STX19: variants seen among roughly 807,000 people sequenced by gnomAD.
The protein encoded by STX19 is syntaxin 19.
STX19 carries 26 observed loss-of-function variants against 24.3 expected under a neutral mutation model. The ratio of observed to expected loss-of-function variants is 1.07; its 90% CI spans 0.78 to 1.48. STX19 has a LOEUF of 1.48. STX19 is among the 40% of genes most tolerant of loss of function. STX19 has a pLI of 0.00. For missense variants in STX19, 367 were observed against 331.9 expected (o/e 1.11, Z -0.82); for synonymous variants, 116 against 106.9 (o/e 1.09, Z -0.52).
intron 1 of STX19, among the ~76,000 whole-genome samples, chr3:94,022,870 C>A (rs944899120): frequency 6.6e-6 from 1 of 151,936 alleles, no homozygotes. Context: ...AAGTTTTTCA[C>A]CTGCTTAATT....
intron 1 of STX19, among the ~76,000 whole-genome samples, chr3:94,017,065 A>G (rs554543695): frequency 6.6e-6 from 1 of 152,336 alleles, no homozygotes; most frequent in African/African-American, 2.4e-5. Flanking sequence ...TGCAAGGGTA[A>G]GGGGAACTCA....
intron 1 of STX19, among the ~76,000 whole-genome samples, chr3:94,016,831 G>A (rs1381189957): frequency 6.6e-6 from 1 of 151,980 alleles, no homozygotes; most frequent in Non-Finnish European, 1.5e-5. Context: ...ATTTTTGGTA[G>A]AGACAGGGTT....
intron 1 of STX19, among the ~76,000 whole-genome samples, chr3:94,027,348 T>G (rs985416369): frequency 6.6e-6 from 1 of 152,046 alleles, no homozygotes; most frequent in Non-Finnish European, 1.5e-5. Context: ...GTATCTGACT[T>G]TTTTTGCAAT....
rs1419369089 is a variant in STX19 at position 94,014,927 on chromosome 3, C to G, written c.343G>C (p.Glu115Gln). 1.2e-6 allele frequency: 2 copies of G among 1,613,546 alleles called. No individual in the cohort carries two copies. The highest frequency in any genetic ancestry group is 1.7e-6 in the Non-Finnish European group (2 of 1,179,816). ...TTTTCAACCTCTGACTTTTTAACTT[C>G]TTTAACTAAATCATTCAAACTTCTG... Reference protein sequence around the residue: ...INRSLNDLVKEVKKSEVENGP... With the variant: ...INRSLNDLVKQVKKSEVENGP... Residue 115 changes from glutamate (E) to glutamine (Q), a missense_variant, in exon 2 of 2, where the codon GAA (glutamate) becomes CAA (glutamine). By Grantham distance (29) the Glu-to-Gln change is conservative (BLOSUM62 2). Coordinates refer to ENST00000315099, the MANE Select transcript of STX19 (RefSeq NM_001001850.3).
chr3:94,014,882 T>A lies in STX19; in HGVS notation c.388A>T (p.Thr130Ser), dbSNP rs2076296755. 1 of 1,613,980 alleles carries A rather than the reference T, an allele frequency of 6.2e-7. No homozygotes were observed. Among genetic ancestry groups the A allele is most frequent in the Admixed American group, 1.7e-5 (1 of 60,012 alleles). The change falls in exon 2 of 2, where the codon ACA (threonine) becomes TCA (serine). Residue 130 changes from threonine to serine, a missense_variant. Physicochemically the swap from Thr to Ser is moderately conservative, Grantham distance 58. Transcript: ENST00000315099. ...EVENGPSSVV[T>S]RILKSQHAAM... is the part of the protein sequence containing the mutation. ...GCATGCTGAGATTTAAGTATCCTTG[T>A]GACCACTGAAGATGGACCATTTTCA...
intron 1 of STX19, among the ~76,000 whole-genome samples, chr3:94,026,950 A>G (rs1043570504): frequency 2.0e-5 from 3 of 152,280 alleles, no homozygotes; most frequent in Middle Eastern, 3.4e-3. Context: ...TGCGACTCAA[A>G]TAAAAGGTTC....
At chr3:94,015,915 G>T (rs1214076156) in intron 1 of STX19, among the ~76,000 whole-genome samples, 1 of 151,962 alleles carries the variant, frequency 6.6e-6, no homozygotes, top group Non-Finnish European at 1.5e-5. Flanking sequence ...CTCATTCTTA[G>T]CATTCTTTTG....
intron 1 of STX19, among the ~76,000 whole-genome samples, chr3:94,019,963 A>T (rs184573416): frequency 6.6e-6 from 1 of 152,136 alleles, no homozygotes; most frequent in Admixed American, 6.5e-5. Flanking sequence ...TTGTCACCCT[A>T]TTTTGAACTA....
At chr3:94,021,768 T>C (rs1046375522) in intron 1 of STX19, among the ~76,000 whole-genome samples, 1 of 152,224 alleles carries the variant, frequency 6.6e-6, no homozygotes, top group Non-Finnish European at 1.5e-5. Context: ...CCCTAATCTA[T>C]AAGCTCTTTC....
At chr3:94,025,072 G>A (rs1472324712) in intron 1 of STX19, among the ~76,000 whole-genome samples, 2 of 152,054 alleles carry the variant, frequency 1.3e-5, no homozygotes, top group Non-Finnish European at 2.9e-5. Context: ...CACTGATTTT[G>A]GAAAGCAGGA....
chr3:94,022,243 A>T (rs1410990456), intron 1 of STX19, among the ~76,000 whole-genome samples: 2 of 152,066 alleles, frequency 1.3e-5, no homozygotes, highest in Non-Finnish European at 2.9e-5. Context: ...TCCTTGCCTC[A>T]GCCTCCTGAG....
At chr3:94,023,897 G>A (rs372170904) in intron 1 of STX19, among the ~76,000 whole-genome samples, 2 of 152,050 alleles carry the variant, frequency 1.3e-5, no homozygotes, top group African/African-American at 4.8e-5. Context: ...GCTTTATTAG[G>A]ATCTTTAATA....
intron 1 of STX19, among the ~76,000 whole-genome samples, chr3:94,021,954 A>G (rs1039858807): frequency 3.3e-5 from 5 of 152,026 alleles, no homozygotes; most frequent in South Asian, 2.1e-4. Flanking sequence ...AAGGCTTCTA[A>G]AGATATATAT....
intron 1 of STX19, among the ~76,000 whole-genome samples, chr3:94,026,527 A>G (rs900994760): frequency 2.0e-5 from 3 of 152,222 alleles, no homozygotes; most frequent in African/African-American, 7.2e-5. Flanking sequence ...AACTATATGT[A>G]TAACTATCCA....
At chr3:94,026,404 T>A (rs2076559009) in intron 1 of STX19, among the ~76,000 whole-genome samples, 1 of 152,204 alleles carries the variant, frequency 6.6e-6, no homozygotes, top group Non-Finnish European at 1.5e-5. Flanking sequence ...ATTAACATAA[T>A]TGAGAATGTT....
intron 1 of STX19, among the ~76,000 whole-genome samples, chr3:94,025,247 A>G (rs1386240585): frequency 6.6e-6 from 1 of 151,346 alleles, no homozygotes; most frequent in African/African-American, 2.4e-5. Flanking sequence ...ATGAATTTAC[A>G]AGCAAAAAAC....
chr3:94,025,651 G>A (rs2076541627), intron 1 of STX19, among the ~76,000 whole-genome samples: 1 of 152,100 alleles, frequency 6.6e-6, no homozygotes, highest in African/African-American at 2.4e-5. Context: ...ATCAATTATG[G>A]ATACATTGAG....
At position 94,015,108 on chromosome 3, in the gene STX19, G is replaced by A. The variant is rs1316725228; in HGVS notation, c.162C>T (p.Ile54=). 4 of 1,613,646 alleles carry A rather than the reference G, an allele frequency of 2.5e-6. No homozygotes were observed. The highest frequency in any genetic ancestry group is 3.4e-6 in the Non-Finnish European group (4 of 1,179,904). Reference sequence around the variant, plus strand: ...TGTTAATACTTTCCTGTAGTTTTTGGATTTCATGTAGGTGTCTCTCAGCTA... The same window carrying A: ...TGTTAATACTTTCCTGTAGTTTTTGAATTTCATGTAGGTGTCTCTCAGCTA... ...EPVAERHLHE[I]QKLQESINNL... Residue 54 remains isoleucine (I), a synonymous_variant, in exon 2 of 2, where the codon ATC becomes ATT. Coordinates refer to ENST00000315099, the MANE Select transcript of STX19 (RefSeq NM_001001850.3).
chr3:94,027,395 T>C (rs1455858811), intron 1 of STX19, among the ~76,000 whole-genome samples: 3 of 152,022 alleles, frequency 2.0e-5, no homozygotes, highest in Non-Finnish European at 4.4e-5. Context: ...TTTTATTTAG[T>C]CTAAATAACT....
Sources: gnomAD v4.1 joint callset for allele counts (sites outside exome capture counted in the v4.1 genomes callset) on GRCh38, gnomAD v4.1.1 for gene constraint, MANE v1.5 for transcripts, NCBI Gene and HGNC (gene_info 2026-07-23, HGNC 2026-07-21) for gene names.